Variants in TMEM41B observed in about 807,000 individuals in gnomAD.
TMEM41B encodes protein stasimon.
TMEM41B carries 18 observed loss-of-function variants against 31.9 expected under a neutral mutation model. The observed-to-expected ratio is 0.56, with a 90% CI of 0.39 to 0.84. The LOEUF (loss-of-function observed/expected upper bound fraction) is 0.84. TMEM41B is among the 40% of genes least tolerant of loss of function. The pLI is 0.00. For synonymous variants in TMEM41B, 144 were observed against 124.3 expected (o/e 1.16, Z -1.05); for missense variants, 322 against 348.0 (o/e 0.93, Z 0.59).
intron 1 of TMEM41B, among the ~76,000 whole-genome samples, chr11:9,309,116 G>T (rs1048561044): frequency 6.6e-6 from 1 of 152,132 alleles, no homozygotes; most frequent in African/African-American, 2.4e-5. Context: ...GCGTGGTGAC[G>T]TGTGCCTGTA....
intron 6 of TMEM41B, among the ~76,000 whole-genome samples, chr11:9,285,762 T>C (rs942487752): frequency 3.3e-5 from 5 of 151,498 alleles, no homozygotes; most frequent in Admixed American, 3.3e-4. Flanking sequence ...GTTCAACATT[T>C]TAATACTTGA....
intron 1 of TMEM41B, among the ~76,000 whole-genome samples, chr11:9,312,142 T>C (rs967143913): frequency 6.6e-6 from 1 of 152,078 alleles, no homozygotes; most frequent in East Asian, 1.9e-4. Context: ...CCCACACACA[T>C]AAAAGTTTCA....
intron 4 of TMEM41B, 68 bp from the exon 5 acceptor site, chr11:9,287,874 G>T: frequency 8.8e-7 from 1 of 1,135,470 alleles, no homozygotes; most frequent in Non-Finnish European, 1.3e-6. Context: ...TTATTCACCT[G>T]AGTAAAAAGC....
In TMEM41B at chr11:9,314,430, G is replaced by C; in HGVS notation, c.12C>G (p.Gly4=). Residue 4 remains glycine, a synonymous_variant, in exon 1 of 7, where the codon GGC becomes GGG. Coordinates refer to ENST00000528080, the MANE Select transcript of TMEM41B (RefSeq NM_015012.4). ...CCAACTGCGATCGTTCGGCGACTCT[G>C]CCTTTCGCCATGGCTGCTGCAAGGT... is the stretch of plus-strand genomic sequence containing the variant. MAK[G]RVAERSQLGA... is the part of the protein sequence containing the mutation. The C allele has an allele frequency of 6.4e-7, 1 of 1,558,618 alleles. No homozygotes were observed. Among genetic ancestry groups the C allele is most frequent in the Non-Finnish European group, 8.7e-7 (1 of 1,150,794 alleles).
At chr11:9,288,240 C>G (rs1852879620) in intron 4 of TMEM41B, among the ~76,000 whole-genome samples, 1 of 152,072 alleles carries the variant, frequency 6.6e-6, no homozygotes, top group African/African-American at 2.4e-5. Context: ...TAAAACATAG[C>G]TTATAAATGC....
chr11:9,292,124 C>T (rs1333317805), intron 3 of TMEM41B, among the ~76,000 whole-genome samples: 1 of 152,190 alleles, frequency 6.6e-6, no homozygotes, highest in Non-Finnish European at 1.5e-5. Context: ...AAAGTATTTG[C>T]TCAAAGGATC....
chr11:9,293,016 T>G (rs539939235), intron 3 of TMEM41B, among the ~76,000 whole-genome samples: 1 of 152,220 alleles, frequency 6.6e-6, no homozygotes, highest in Non-Finnish European at 1.5e-5. Context: ...TTTGTAATTA[T>G]GTAAAACATT....
intron 2 of TMEM41B, among the ~76,000 whole-genome samples, chr11:9,299,109 C>T (rs773247148): frequency 4.8e-4 from 72 of 151,450 alleles, no homozygotes; most frequent in Non-Finnish European, 9.6e-4. Context: ...GGTGAAACCC[C>T]GTCTCTACTA....
At chr11:9,309,987 A>T (rs183734080) in intron 1 of TMEM41B, among the ~76,000 whole-genome samples, 1 of 151,730 alleles carries the variant, frequency 6.6e-6, no homozygotes. Flanking sequence ...CAACTTTGAG[A>T]CAGTGTTTTT....
intron 3 of TMEM41B, among the ~76,000 whole-genome samples, chr11:9,290,552 TAA>T (rs67916764): frequency 4.4e-4 from 60 of 136,250 alleles, no homozygotes; most frequent in African/African-American, 1.1e-3. Flanking sequence ...AGTATAATAA[TAA>T]AAAAAAAAAA....
intron 2 of TMEM41B, 41 bp downstream of exon 2, chr11:9,299,542 TA>T: frequency 1.5e-6 from 2 of 1,336,394 alleles, no homozygotes; most frequent in Non-Finnish European, 2.1e-6. Context: ...TTTCATCTTA[TA>T]AATATCTATA....
At chr11:9,305,089 G>A (rs919964651) in intron 1 of TMEM41B, among the ~76,000 whole-genome samples, 1 of 152,068 alleles carries the variant, frequency 6.6e-6, no homozygotes, top group East Asian at 1.9e-4. Flanking sequence ...ATAGAACCGG[G>A]CTAGAAAACC....
intron 1 of TMEM41B, among the ~76,000 whole-genome samples, chr11:9,305,201 AAT>A (rs34978300): frequency 1.3e-5 from 2 of 151,518 alleles, no homozygotes; most frequent in African/African-American, 2.4e-5. Context: ...GAATGAGGGT[AAT>A]ATATATATAT....
intron 3 of TMEM41B, among the ~76,000 whole-genome samples, chr11:9,290,254 G>A (rs887511813): frequency 2.0e-5 from 3 of 152,116 alleles, no homozygotes; most frequent in Non-Finnish European, 4.4e-5. Context: ...GTGGGCACCT[G>A]TAGTCCCAGC....
intron 2 of TMEM41B, among the ~76,000 whole-genome samples, chr11:9,298,211 C>A (rs1169706134): frequency 6.7e-6 from 1 of 149,022 alleles, no homozygotes; most frequent in East Asian, 2.0e-4. Flanking sequence ...GTAATCCCAG[C>A]ACTTTGGGAG....
intron 1 of TMEM41B, among the ~76,000 whole-genome samples, chr11:9,303,272 G>A (rs79556419): frequency 0.15 from 22,116 of 151,918 alleles, 2,285 homozygotes; most frequent in African/African-American, 0.28. Flanking sequence ...CCAAGTAGCC[G>A]GGATTACAGA....
At chr11:9,312,153 C>T (rs981593913) in intron 1 of TMEM41B, among the ~76,000 whole-genome samples, 2 of 152,200 alleles carry the variant, frequency 1.3e-5, no homozygotes, top group Admixed American at 1.3e-4. Flanking sequence ...AAAAGTTTCA[C>T]ACTAACCTTC....
At chr11:9,300,814 C>G (rs1185265811) in intron 1 of TMEM41B, among the ~76,000 whole-genome samples, 1 of 151,566 alleles carries the variant, frequency 6.6e-6, no homozygotes, top group Non-Finnish European at 1.5e-5. Context: ...GGAGGCAGAG[C>G]TTGCAGTGTG....
chr11:9,299,511 C>T, intron 2 of TMEM41B, 73 bp downstream of exon 2: 1 of 1,031,794 alleles, frequency 9.7e-7, no homozygotes, highest in Non-Finnish European at 1.5e-6. Flanking sequence ...GCATCAGCTA[C>T]TGCACTTGGC....
Sources: allele counts gnomAD v4.1 joint callset (sites outside exome capture counted in the v4.1 genomes callset), GRCh38; gene constraint gnomAD v4.1.1; transcripts MANE v1.5; gene names NCBI Gene and HGNC (gene_info 2026-07-23, HGNC 2026-07-21).